The following NLGN4X variants were observed in gnomAD, a reference collection of about 807,000 sequenced individuals.
The protein encoded by NLGN4X is neuroligin-4, X-linked.
A neutral mutation model predicts 40.3 loss-of-function variants in NLGN4X; 3 were observed. That is an observed-to-expected ratio of 0.07 (90% CI 0.03 to 0.19). The LOEUF (loss-of-function observed/expected upper bound fraction) is 0.19. Among genes scored for constraint, NLGN4X ranks in the 10% least tolerant of loss-of-function variants. The pLI, the probability that NLGN4X is intolerant of heterozygous loss-of-function variation, is 1.00. For missense variants in NLGN4X, 382 were observed against 708.3 expected (o/e 0.54, Z 5.23); for synonymous variants, 270 against 306.8 (o/e 0.88, Z 1.25).
At chrX:6,078,188 C>T (rs1301488647) in intron 2 of NLGN4X, among the ~76,000 whole-genome samples, 2 of 111,773 alleles carry the variant, frequency 1.8e-5, no homozygotes, top group Non-Finnish European at 3.8e-5. Flanking sequence ...GCTATGATCA[C>T]CATCAGCAAT....
intron 5 of NLGN4X, among the ~76,000 whole-genome samples, chrX:5,897,792 T>G (rs984902952): frequency 8.9e-6 from 1 of 111,999 alleles, no homozygotes; most frequent in African/African-American, 3.2e-5. Context: ...GACTCCGCCT[T>G]TCTAAGATGG....
intron 3 of NLGN4X, chrX:5,991,327 C>A (rs1021829599): frequency 2.3e-6 from 1 of 430,592 alleles, no homozygotes; most frequent in Non-Finnish European, 4.3e-6. Context: ...CCCTTCCCCC[C>A]ACAGCATAAT....
Position 6,204,911 on chromosome X carries a change from A to C in NLGN4X, c.-306+23630T>G, listed in dbSNP as rs140045424. Among the ~76,000 whole-genome samples, 1,070 of 111,851 alleles carry C rather than the reference A, an allele frequency of 9.6e-3. 6 individuals are homozygous for C. The highest frequency in any genetic ancestry group is 0.015 in the Non-Finnish European group (800 of 53,157). On this transcript the variant is annotated intron_variant, in intron 1 of 5. Coordinates refer to ENST00000381095, the MANE Select transcript of NLGN4X (RefSeq NM_181332.3). The stretch of plus-strand genomic sequence containing the variant: ...TTCAGCAACAAAATGGATGGGAATT[A>C]ACCCCAGAACCCATGGTTTTGTGGA...
chrX:6,210,914 G>T (rs1383399013), intron 1 of NLGN4X, among the ~76,000 whole-genome samples: 1 of 112,172 alleles, frequency 8.9e-6, no homozygotes, highest in Non-Finnish European at 1.9e-5. Flanking sequence ...ATAATTTTAG[G>T]CATGGAAAAG....
chrX:6,051,703 C>T (rs1468667099), intron 2 of NLGN4X, among the ~76,000 whole-genome samples: 2 of 110,863 alleles, frequency 1.8e-5, no homozygotes, highest in African/African-American at 6.6e-5. Flanking sequence ...TTGTAAGTCA[C>T]CCAGTTTACA....
At chrX:6,227,197 A>T (rs1183334292) in intron 1 of NLGN4X, 1 of 110,353 alleles carries the variant, frequency 9.1e-6, no homozygotes, top group Non-Finnish European at 1.9e-5. Context: ...TTGGGATGGG[A>T]TGGAAGGGAA....
chrX:6,003,182 C>T (rs916619661), intron 3 of NLGN4X, among the ~76,000 whole-genome samples: 1 of 111,235 alleles, frequency 9.0e-6, no homozygotes, highest in African/African-American at 3.3e-5. Flanking sequence ...CGACTGGGCC[C>T]GGAACAAAGA....
chrX:6,041,102 T>C (rs952970210), intron 2 of NLGN4X, among the ~76,000 whole-genome samples: 1 of 111,299 alleles, frequency 9.0e-6, no homozygotes, highest in African/African-American at 3.3e-5. Context: ...CACACCTACA[T>C]GCAACCCTGA....
At chrX:6,022,558 T>C (rs1044935960) in intron 3 of NLGN4X, among the ~76,000 whole-genome samples, 1 of 112,150 alleles carries the variant, frequency 8.9e-6, no homozygotes, top group Admixed American at 9.5e-5. Context: ...AGGGAAATTA[T>C]AGTGACCCAT....
intron 3 of NLGN4X, among the ~76,000 whole-genome samples, chrX:5,913,492 T>C (rs578110077): frequency 1.8e-5 from 2 of 111,978 alleles, no homozygotes; most frequent in South Asian, 7.5e-4. Context: ...GACAGGTCCT[T>C]TAGGCTACAA....
Position 5,892,566 on chromosome X carries a change from T to G in NLGN4X, c.*251A>C. On this transcript the variant is annotated 3_prime_UTR_variant, in exon 6 of 6. Coordinates refer to ENST00000381095, the MANE Select transcript of NLGN4X (RefSeq NM_181332.3). ...GTGGTAGAGATCTTAAAGCAGTTAT[T>G]TTAACAGAAATGTGTACTTCTCACA... The G allele has an allele frequency of 2.5e-6, 1 of 393,371 alleles. No homozygotes were observed. The highest frequency in any genetic ancestry group is 4.5e-5 in the East Asian group (1 of 22,165). 32.4% of individuals were successfully genotyped at this position (393,371 alleles called of 1,213,427 possible). A position where few individuals can be genotyped will look rare whatever the true frequency, so the allele number is the denominator to read the frequency against.
intron 2 of NLGN4X, among the ~76,000 whole-genome samples, chrX:6,092,468 T>C (rs1380662262): frequency 8.9e-6 from 1 of 112,068 alleles, no homozygotes; most frequent in Non-Finnish European, 1.9e-5. Flanking sequence ...CTCTAGCTTC[T>C]ATCAGAAGGA....
At chrX:6,090,888 A>ATGCATAGGACACCTCCTACAATG in intron 2 of NLGN4X, among the ~76,000 whole-genome samples, 1 of 111,987 alleles carries the variant, frequency 8.9e-6, no homozygotes, top group African/African-American at 3.2e-5. Context: ...ACCTCCTACA[A>ATGCATAGGACACCTCCTACAATG]CAAAGACGGG....
intron 4 of NLGN4X, among the ~76,000 whole-genome samples, chrX:5,904,076 TAC>T (rs368748482): frequency 6.5e-5 from 7 of 108,248 alleles, no homozygotes; most frequent in Admixed American, 2.0e-4. Context: ...AATGTTATTC[TAC>T]ACACACACAC....
intron 1 of NLGN4X, among the ~76,000 whole-genome samples, chrX:6,196,020 T>C (rs1191794926): frequency 1.8e-5 from 2 of 111,098 alleles, no homozygotes; most frequent in Non-Finnish European, 3.8e-5. Flanking sequence ...TCTCGAACTC[T>C]GGGCTCAAGC....
intron 3 of NLGN4X, among the ~76,000 whole-genome samples, chrX:5,943,307 C>T (rs2034011092): frequency 9.0e-6 from 1 of 111,437 alleles, no homozygotes; most frequent in Non-Finnish European, 1.9e-5. Context: ...AGCCATCAAC[C>T]CAAATGTTCC....
intron 3 of NLGN4X, among the ~76,000 whole-genome samples, chrX:5,981,844 G>A (rs760505905): frequency 7.2e-5 from 8 of 110,927 alleles, no homozygotes; most frequent in Non-Finnish European, 1.3e-4. Flanking sequence ...AACTCTCCAA[G>A]GTAGCTAGCG....
chrX:6,000,923 C>T (rs1032806709), intron 3 of NLGN4X, among the ~76,000 whole-genome samples: 7 of 111,402 alleles, frequency 6.3e-5, no homozygotes, highest in Non-Finnish European at 1.3e-4. Flanking sequence ...AAGACATACC[C>T]GAGAGTGGGT....
intron 2 of NLGN4X, among the ~76,000 whole-genome samples, chrX:6,147,630 GTCACT>G (rs2040076267): frequency 9.5e-6 from 1 of 105,115 alleles, no homozygotes; most frequent in Admixed American, 1.1e-4. Flanking sequence ...CCTCAAAGTA[GTCACT>G]CAGTCACACT....
Sources: allele counts gnomAD v4.1 joint callset (sites outside exome capture counted in the v4.1 genomes callset), GRCh38; gene constraint gnomAD v4.1.1; transcripts MANE v1.5; gene names NCBI Gene and HGNC (gene_info 2026-07-23, HGNC 2026-07-21).